The following ABHD14B variants were observed in gnomAD, a reference collection of about 807,000 sequenced individuals.
The protein encoded by ABHD14B is abhydrolase domain containing 14B.
A neutral mutation model predicts 15.4 loss-of-function variants in ABHD14B; 19 were observed. The observed-to-expected ratio is 1.23, with a 90% CI of 0.86 to 1.81. The LOEUF is 1.81. Among genes scored for constraint, ABHD14B ranks in the 40% most tolerant of loss-of-function variants. ABHD14B has a pLI of 0.00. For missense variants in ABHD14B, 243 were observed against 267.0 expected, an observed-to-expected ratio of 0.91 and a Z score of 0.63; for synonymous variants, 92 against 117.3, an observed-to-expected ratio of 0.78 and a Z score of 1.39.
Position 51,974,036 on chromosome 3 carries a change from A to G in ABHD14B, c.-100T>C, listed in dbSNP as rs1398695794. 9.3e-6 allele frequency: 12 copies of G among 1,288,042 alleles called. No individual in the cohort carries two copies. Among genetic ancestry groups the G allele is most frequent in the African/African-American group, 1.5e-5 (1 of 65,782 alleles). 79.8% of individuals were successfully genotyped at this position (1,288,042 alleles called of 1,614,324 possible). On this transcript the variant is annotated 5_prime_UTR_variant, in exon 1 of 4. Transcript: ENST00000361143. ...GGCGGTGACCTGGGGCCGGAGGAGG[A>G]ACGCTGGGAAGAGGCCGGGCCCCAT...
intron 3 of ABHD14B, 107 bp downstream of exon 3, chr3:51,969,836 C>G: frequency 1.9e-6 from 3 of 1,595,162 alleles, no homozygotes; most frequent in Non-Finnish European, 2.6e-6. Flanking sequence ...TGGTCAGCTC[C>G]TCCCAGAAGA....
At chr3:51,970,271 C>T (rs1309794285) in intron 2 of ABHD14B, 87 bp from the exon 3 acceptor site, 12 of 1,503,890 alleles carry the variant, frequency 8.0e-6, no homozygotes, top group South Asian at 2.8e-5. Flanking sequence ...GGAAGCCCTC[C>T]TAGGTCAGTT....
chr3:51,974,087 G>T (rs1335904766), upstream of ABHD14B: 1 of 1,268,632 alleles, frequency 7.9e-7, no homozygotes, highest in Non-Finnish European at 1.0e-6. Context: ...ACTGGGCCGT[G>T]CTCCGGGGCG....
chr3:51,973,695 C>G (rs904818845), intron 1 of ABHD14B: 1 of 473,266 alleles, frequency 2.1e-6, no homozygotes, highest in African/African-American at 2.0e-5. Flanking sequence ...TTTCTAGAGG[C>G]GGAAACCGAA....
intron 2 of ABHD14B, chr3:51,970,889 G>A (rs375498177): frequency 8.8e-6 from 4 of 453,886 alleles, no homozygotes; most frequent in South Asian, 6.2e-5. Context: ...GGTTATGACA[G>A]GCAGTCTGGG....
In ABHD14B at chr3:51,969,603, A is replaced by G. The variant is rs1321290123; in HGVS notation, c.456T>C (p.Thr152=). The change falls in exon 4 of 4, where the codon ACT becomes ACC. Residue 152 remains threonine (T), a splice_region_variant and synonymous_variant. Coordinates refer to ENST00000361143, the MANE Select transcript of ABHD14B (RefSeq NM_001146314.2). ...GGTCTCCATATACAATCAGAGCTGG[A>G]GTCTGAGAGGAAGGATAGGGGGGTG... is the stretch of plus-strand genomic sequence containing the variant. ...INAANYASVK[T]PALIVYGDQD... The G allele has an allele frequency of 6.2e-7, 1 of 1,611,364 alleles. No homozygotes were observed. The highest frequency in any genetic ancestry group is 8.5e-7 in the Non-Finnish European group (1 of 1,178,840).
chr3:51,969,019 T>C lies in ABHD14B; in HGVS notation c.*407A>G, dbSNP rs565469673. 5.4e-6 allele frequency: 1 copy of C among 183,862 alleles called. No homozygotes were observed. The highest frequency in any genetic ancestry group is 2.4e-5 in the African/African-American group (1 of 42,214). 11.4% of individuals were successfully genotyped at this position (183,862 alleles called of 1,614,324 possible). A position where few individuals can be genotyped will look rare whatever the true frequency, so the allele number is the denominator to read the frequency against. The stretch of plus-strand genomic sequence containing the variant: ...AAGCGTGCATGTGGGCATGTATGTA[T>C]CTGGGGCCTAAGGAGGTGGGGAAGT... On this transcript the variant is annotated 3_prime_UTR_variant, in exon 4 of 4. Coordinates refer to ENST00000361143, the MANE Select transcript of ABHD14B (RefSeq NM_001146314.2).
At chr3:51,969,827 G>A in intron 3 of ABHD14B, 116 bp downstream of exon 3, 1 of 1,565,228 alleles carries the variant, frequency 6.4e-7, no homozygotes. Flanking sequence ...GGAGTTGGGT[G>A]GTCAGCTCCT....
At position 51,973,602 on chromosome 3, in the gene ABHD14B, T is replaced by C. The variant is rs1044195450; in HGVS notation, c.-29+363A>G. 2.2e-4 allele frequency: 78 copies of C among 355,060 alleles called. No individual in the cohort carries two copies. The Admixed American group carries it at 3.0e-3, about 14-fold the overall frequency. The allele number at this position is 355,060 out of a possible 1,614,324, so 22.0% of individuals were successfully genotyped here. A position where few individuals can be genotyped will look rare whatever the true frequency, so the allele number is the denominator to read the frequency against. On this transcript the variant is annotated intron_variant, in intron 1 of 3. Transcript: ENST00000361143. ...GCGCAATCATGGATCACTGCAGCCT[T>C]GACCTTCCTGGGCTCAAGTGATCCT...
chr3:51,971,472 T>C lies in ABHD14B; in HGVS notation c.199A>G (p.Ile67Val), dbSNP rs760707674. 6.3e-7 allele frequency: 1 copy of C among 1,584,748 alleles called. No homozygotes were observed. The highest frequency in any genetic ancestry group is 8.6e-7 in the Non-Finnish European group (1 of 1,162,228). ...LAQAGYRAVA[I>V]DLPGLGHSKE... ...GCCCCTTAAGTACCTGGCAGGTCAA[T>C]GGCCACAGCCCGGTAGCCAGCCTGG... is the stretch of plus-strand genomic sequence containing the variant. Residue 67 changes from isoleucine (I) to valine (V), a missense_variant, in exon 2 of 4, where the codon ATT becomes GTT. Transcript: ENST00000361143.
chr3:51,974,393 G>A (rs755685707), upstream of ABHD14B: 1 of 268,972 alleles, frequency 3.7e-6, no homozygotes, highest in Non-Finnish European at 7.4e-6. Flanking sequence ...AGGTTTGAGT[G>A]CGAGGCTCCG....
intron 1 of ABHD14B, among the ~76,000 whole-genome samples, chr3:51,972,503 G>A (rs1215056090): frequency 6.6e-6 from 1 of 152,112 alleles, no homozygotes; most frequent in East Asian, 1.9e-4. Context: ...CACCCAGGAG[G>A]CAGAGGTTGC....
chr3:51,970,244 G>C (rs912314674), intron 2 of ABHD14B, 60 bp from the exon 3 acceptor site: 2 of 1,514,486 alleles, frequency 1.3e-6, no homozygotes, highest in African/African-American at 2.8e-5. Context: ...AAACAAGGGA[G>C]ATGGTTGCTC....
chr3:51,969,185 C>A lies in ABHD14B; in HGVS notation c.*241G>T. 1 of 422,812 alleles carries A rather than the reference C, an allele frequency of 2.4e-6. No individual in the cohort carries two copies. Among genetic ancestry groups the A allele is most frequent in the South Asian group, 4.3e-5 (1 of 23,506 alleles). The allele number at this position is 422,812 out of a possible 1,614,324, so 26.2% of individuals were successfully genotyped here. On this transcript the variant is annotated 3_prime_UTR_variant, in exon 4 of 4. Coordinates refer to ENST00000361143, the MANE Select transcript of ABHD14B (RefSeq NM_001146314.2). ...AGGAGAAGCTCATGTAATGGATTAC[C>A]CTCCACAGGATTATGTTCCTTGATT...
At chr3:51,969,735 G>C (rs1700616842) in intron 3 of ABHD14B, 130 bp from the exon 4 acceptor site, 2 of 1,401,494 alleles carry the variant, frequency 1.4e-6, no homozygotes, top group African/African-American at 2.8e-5. Context: ...CCCAGTGGGT[G>C]GGGGCACAGA....
At chr3:51,969,662 C>T in intron 3 of ABHD14B, 57 bp from the exon 4 acceptor site, 2 of 1,554,048 alleles carry the variant, frequency 1.3e-6, no homozygotes, top group Non-Finnish European at 1.7e-6. Context: ...CATAGCATCC[C>T]CAGCCCTCCC....
intron 1 of ABHD14B, among the ~76,000 whole-genome samples, chr3:51,972,763 C>T (rs1043142926): frequency 6.6e-6 from 1 of 152,174 alleles, no homozygotes; most frequent in Non-Finnish European, 1.5e-5. Context: ...TGTACCATGC[C>T]TAGCACGTAG....
upstream of ABHD14B, chr3:51,974,235 C>G (rs1559773145): frequency 2.7e-6 from 1 of 372,022 alleles, no homozygotes; most frequent in Non-Finnish European, 5.1e-6. Flanking sequence ...CTTCAGCGAC[C>G]TGCCCCACAT....
chr3:51,973,505 G>GTTTTTTTTTTTTTC (rs1413325589), intron 1 of ABHD14B, among the ~76,000 whole-genome samples: 8 of 126,828 alleles, frequency 6.3e-5, no homozygotes, highest in African/African-American at 1.9e-4. Context: ...ATTTTCTTCG[G>GTTTTTTTTTTTTTC]TTTTTTTTTT....
Sources: gnomAD v4.1 joint callset for allele counts (sites outside exome capture counted in the v4.1 genomes callset) on GRCh38, gnomAD v4.1.1 for gene constraint, MANE v1.5 for transcripts, NCBI Gene and HGNC (gene_info 2026-07-23, HGNC 2026-07-21) for gene names.